Variants in LPA observed in about 807,000 individuals in gnomAD.
LPA encodes apolipoprotein(a).
Under a neutral mutation model 197.9 loss-of-function variants are expected in LPA, and 199 were observed. The observed-to-expected ratio is 1.01, with a 90% confidence interval of 0.90 to 1.13. The LOEUF is 1.13. Ranked by LOEUF, LPA falls within the 50% of genes most tolerant of loss-of-function variation. The probability of loss-of-function intolerance (pLI) is 0.00; values close to 1 mark genes in which losing one functional copy is unlikely to be tolerated. For missense variants in LPA, 1,853 were observed against 1,785.8 expected, an observed-to-expected ratio of 1.04 and a Z score of -0.68; for synonymous variants, 715 against 639.5, an observed-to-expected ratio of 1.12 and a Z score of -1.78.
chr6:160,535,785 A>C (rs1322244243), intron 37 of LPA, among the ~76,000 whole-genome samples: 1 of 152,088 alleles, frequency 6.6e-6, no homozygotes, highest in East Asian at 1.9e-4. Context: ...TAAGATGAGA[A>C]AGCGGAGGCT....
At chr6:160,608,344 T>C (rs1330690356) in intron 16 of LPA, among the ~76,000 whole-genome samples, 2 of 152,142 alleles carry the variant, frequency 1.3e-5, no homozygotes, top group African/African-American at 2.4e-5. Flanking sequence ...CTTCAAGGCA[T>C]TTTATTGCTG....
chr6:160,599,168 C>A (rs546340664), intron 20 of LPA, among the ~76,000 whole-genome samples: 3 of 152,112 alleles, frequency 2.0e-5, no homozygotes, highest in Non-Finnish European at 4.4e-5. Flanking sequence ...ACAGTGAAAC[C>A]CTGTCTCTAC....
chr6:160,631,991 A>AGATTGTGTGT (rs1554240940), intron 8 of LPA, among the ~76,000 whole-genome samples: 74 of 130,550 alleles, frequency 5.7e-4, no homozygotes, highest in South Asian at 7.6e-4. Flanking sequence ...GTGTGTTTTC[A>AGATTGTGTGT]GTGTGTGTGT....
intron 2 of LPA, among the ~76,000 whole-genome samples, chr6:160,648,719 T>G (rs1779950740): frequency 6.6e-6 from 1 of 152,212 alleles, no homozygotes; most frequent in Non-Finnish European, 1.5e-5. Flanking sequence ...TAGTAATTTT[T>G]TCATTTAAGA....
intron 16 of LPA, among the ~76,000 whole-genome samples, chr6:160,610,033 CT>C (rs1160644937): frequency 1.3e-5 from 2 of 151,980 alleles, no homozygotes; most frequent in Non-Finnish European, 2.9e-5. Flanking sequence ...CTTTGTTGCA[CT>C]TTTTTTAAAT....
At chr6:160,593,123 C>T (rs1779061811) in intron 22 of LPA, among the ~76,000 whole-genome samples, 1 of 152,114 alleles carries the variant, frequency 6.6e-6, no homozygotes, top group Non-Finnish European at 1.5e-5. Context: ...ACGTCAGATG[C>T]CTGAGGCATC....
intron 37 of LPA, among the ~76,000 whole-genome samples, chr6:160,534,780 G>C (rs1233592620): frequency 6.6e-6 from 1 of 152,212 alleles, no homozygotes; most frequent in Non-Finnish European, 1.5e-5. Context: ...TGGGAGCCCA[G>C]TGCAGGATGG....
intron 16 of LPA, among the ~76,000 whole-genome samples, 192 bp downstream of exon 16, chr6:160,611,370 G>C (rs1345457038): frequency 6.6e-6 from 1 of 152,008 alleles, no homozygotes; most frequent in East Asian, 1.9e-4. Context: ...ACAAAACTAG[G>C]AGGAAGGTGA....
At chr6:160,571,608 A>G (rs1252641164) in intron 28 of LPA, among the ~76,000 whole-genome samples, 1 of 152,196 alleles carries the variant, frequency 6.6e-6, no homozygotes, top group Middle Eastern at 3.2e-3. Flanking sequence ...CTCTTGCTAC[A>G]ATGGCTTTGC....
intron 23 of LPA, among the ~76,000 whole-genome samples, 164 bp downstream of exon 23, chr6:160,590,780 C>T (rs895019133): frequency 1.3e-5 from 2 of 152,106 alleles, no homozygotes; most frequent in African/African-American, 2.4e-5. Context: ...AAATCTCAGC[C>T]CTGGTTCCCC....
At chr6:160,566,698 A>C (rs777772256) in intron 28 of LPA, among the ~76,000 whole-genome samples, 2 of 152,250 alleles carry the variant, frequency 1.3e-5, no homozygotes, top group African/African-American at 4.8e-5. Flanking sequence ...CAGACTGGAA[A>C]ATTGGATAAA....
At chr6:160,547,210 C>T (rs1322332349) in intron 32 of LPA, among the ~76,000 whole-genome samples, 1 of 152,150 alleles carries the variant, frequency 6.6e-6, no homozygotes, top group African/African-American at 2.4e-5. Context: ...AGCTAATTTT[C>T]CTGCAAGTAG....
chr6:160,609,481 T>G (rs1310356996), intron 16 of LPA, among the ~76,000 whole-genome samples: 1 of 152,180 alleles, frequency 6.6e-6, no homozygotes, highest in Admixed American at 6.5e-5. Context: ...TATCCTTGCC[T>G]TGTTACCTTT....
At chr6:160,654,003 TAATATATATTATATATA>T (rs1780065749) in intron 1 of LPA, among the ~76,000 whole-genome samples, 2 of 29,946 alleles carry the variant, frequency 6.7e-5, no homozygotes, top group African/African-American at 4.1e-4. Context: ...ATATTATATA[TAATATATATTATATATA>T]ATATATAATA....
Position 160,531,636 on chromosome 6 carries a change from G to A in LPA, c.*93C>T, listed in dbSNP as rs1024809156. On this transcript the variant is annotated 3_prime_UTR_variant, in exon 39 of 39. Coordinates refer to ENST00000316300, the MANE Select transcript of LPA (RefSeq NM_005577.4). ...GCTGGTAGCTGGGAACAGTGTCTTC[G>A]TTTGATTGCTGTCTATTATTTCCAG... The A allele has an allele frequency of 2.7e-5, 41 of 1,537,096 alleles. No individual in the cohort carries two copies. The highest frequency in any genetic ancestry group is 4.5e-5 in the East Asian group (2 of 44,310).
chr6:160,607,685 A>T (rs917559558), intron 16 of LPA, among the ~76,000 whole-genome samples: 1 of 144,930 alleles, frequency 6.9e-6, no homozygotes, highest in Non-Finnish European at 1.6e-5. Flanking sequence ...GGCCATGGGG[A>T]TGAAACACTG....
chr6:160,542,274 T>C (rs1777993181), intron 34 of LPA, among the ~76,000 whole-genome samples: 1 of 152,220 alleles, frequency 6.6e-6, no homozygotes. Flanking sequence ...AAAAAAAATC[T>C]GTGCCTGTGA....
intron 18 of LPA, among the ~76,000 whole-genome samples, chr6:160,602,448 C>T (rs1779262631): frequency 1.3e-5 from 2 of 152,164 alleles, no homozygotes; most frequent in Middle Eastern, 3.2e-3. Flanking sequence ...CAAATTTTTA[C>T]CTCTACATAT....
intron 35 of LPA, 108 bp downstream of exon 35, chr6:160,540,999 G>A: frequency 1.1e-6 from 1 of 901,310 alleles, no homozygotes; most frequent in East Asian, 2.5e-5. Flanking sequence ...AAGGAAGAGA[G>A]GTGGGGAGGA....
Sources: gnomAD v4.1 joint callset for allele counts (sites outside exome capture counted in the v4.1 genomes callset) on GRCh38, gnomAD v4.1.1 for gene constraint, MANE v1.5 for transcripts, NCBI Gene and HGNC (gene_info 2026-07-23, HGNC 2026-07-21) for gene names.